The following HIBADH variants were observed in gnomAD, a reference collection of about 807,000 sequenced individuals.
The protein encoded by HIBADH is 3-hydroxyisobutyrate dehydrogenase, mitochondrial.
A neutral mutation model predicts 36.1 loss-of-function variants in HIBADH; 25 were observed. The observed-to-expected ratio is 0.69, with a 90% CI of 0.50 to 0.97. HIBADH has a LOEUF of 0.97. Ranked by LOEUF, HIBADH falls within the 50% of genes least tolerant of loss-of-function variation. The pLI, the probability that HIBADH is intolerant of heterozygous loss-of-function variation, is 0.00. For synonymous variants in HIBADH, 160 were observed against 149.5 expected, an observed-to-expected ratio of 1.07 and a Z score of -0.51; for missense variants, 421 against 418.0, an observed-to-expected ratio of 1.01 and a Z score of -0.06.
chr7:27,536,996 T>C (rs1202540014), intron 6 of HIBADH, among the ~76,000 whole-genome samples: 1 of 152,236 alleles, frequency 6.6e-6, no homozygotes, highest in Admixed American at 6.5e-5. Context: ...ATGCCATTTA[T>C]GTTCCAGAAA....
chr7:27,634,511 T>C (rs1419598171), intron 2 of HIBADH, among the ~76,000 whole-genome samples: 4 of 152,194 alleles, frequency 2.6e-5, no homozygotes, highest in Non-Finnish European at 5.9e-5. Context: ...GTAGTAGTCA[T>C]ACTTCTCTAC....
At chr7:27,634,051 T>C (rs78103926) in intron 2 of HIBADH, among the ~76,000 whole-genome samples, 5,199 of 152,260 alleles carry the variant, frequency 0.034, 116 homozygotes, top group South Asian at 0.093. Flanking sequence ...CAAGAGACTA[T>C]CAGCTTCTAA....
At chr7:27,548,386 G>GT (rs1784266262) in intron 4 of HIBADH, among the ~76,000 whole-genome samples, 1 of 151,980 alleles carries the variant, frequency 6.6e-6, no homozygotes, top group African/African-American at 2.4e-5. Flanking sequence ...GCTTGTGATG[G>GT]TTGGGGGGAG....
At chr7:27,610,079 A>G (rs34536886) in intron 4 of HIBADH, among the ~76,000 whole-genome samples, 31,742 of 151,968 alleles carry the variant, frequency 0.21, 4,179 homozygotes, top group East Asian at 0.41. Flanking sequence ...TCAGCCTCCC[A>G]AAGTGCTGGG....
chr7:27,556,011 T>C (rs549375953), intron 4 of HIBADH, among the ~76,000 whole-genome samples: 1 of 152,288 alleles, frequency 6.6e-6, no homozygotes, highest in Admixed American at 6.5e-5. Flanking sequence ...AATTTAAAGA[T>C]AGTCGTGAAT....
At chr7:27,612,982 A>C (rs1428248714) in intron 4 of HIBADH, among the ~76,000 whole-genome samples, 1 of 138,110 alleles carries the variant, frequency 7.2e-6, no homozygotes, top group Admixed American at 7.8e-5. Context: ...TATTATATAT[A>C]TATTTTATAT....
intron 4 of HIBADH, among the ~76,000 whole-genome samples, chr7:27,548,387 T>C (rs990265668): frequency 9.9e-5 from 15 of 151,588 alleles, no homozygotes; most frequent in African/African-American, 1.5e-4. Flanking sequence ...CTTGTGATGG[T>C]TGGGGGGAGG....
In HIBADH at chr7:27,662,812, G is replaced by A. The variant is rs2128298767; in HGVS notation, c.-24C>T. ...ATGCTGCGCCCGCCCCTCTCCCCGC[G>A]GTGACCTCCGCCGCCTCCCGGAGGG... On this transcript the variant is annotated 5_prime_UTR_variant, in exon 1 of 8. Transcript: ENST00000265395. 3 of 1,459,982 alleles carry A rather than the reference G, an allele frequency of 2.1e-6. No individual in the cohort carries two copies. Among genetic ancestry groups the A allele is most frequent in the Admixed American group, 5.1e-5 (2 of 39,170 alleles). The allele number at this position is 1,459,982 out of a possible 1,614,324, so 90.4% of individuals were successfully genotyped here. A position where few individuals can be genotyped will look rare whatever the true frequency, so the allele number is the denominator to read the frequency against.
chr7:27,637,934 A>T (rs1416867395), intron 2 of HIBADH, among the ~76,000 whole-genome samples: 1 of 152,092 alleles, frequency 6.6e-6, no homozygotes, highest in Non-Finnish European at 1.5e-5. Context: ...AAGAAATCAG[A>T]GATGACACAA....
At chr7:27,584,200 G>A (rs1224655649) in intron 4 of HIBADH, among the ~76,000 whole-genome samples, 1 of 152,050 alleles carries the variant, frequency 6.6e-6, no homozygotes, top group South Asian at 2.1e-4. Flanking sequence ...AATGTGGAAA[G>A]AACTTTTTAT....
At chr7:27,589,725 G>T (rs1225591204) in intron 4 of HIBADH, among the ~76,000 whole-genome samples, 1 of 152,132 alleles carries the variant, frequency 6.6e-6, no homozygotes, top group Non-Finnish European at 1.5e-5. Context: ...GCAATTTGGG[G>T]AAATACTTCT....
intron 4 of HIBADH, among the ~76,000 whole-genome samples, chr7:27,588,827 A>AT (rs1208319008): frequency 2.0e-5 from 3 of 152,226 alleles, no homozygotes; most frequent in South Asian, 4.1e-4. Context: ...TCAGAAATGA[A>AT]AAAGTAGAGT....
chr7:27,591,187 G>C (rs907111398), intron 4 of HIBADH, among the ~76,000 whole-genome samples: 4 of 152,136 alleles, frequency 2.6e-5, no homozygotes, highest in African/African-American at 9.7e-5. Context: ...GAATCTCAGA[G>C]ACTCTCCAAG....
chr7:27,598,222 G>C (rs1226531966), intron 4 of HIBADH, among the ~76,000 whole-genome samples: 1 of 152,106 alleles, frequency 6.6e-6, no homozygotes, highest in Non-Finnish European at 1.5e-5. Flanking sequence ...TAAAACTAAA[G>C]ATTGCTATGC....
intron 6 of HIBADH, among the ~76,000 whole-genome samples, chr7:27,534,023 C>G (rs1784037203): frequency 6.6e-6 from 1 of 152,158 alleles, no homozygotes; most frequent in African/African-American, 2.4e-5. Flanking sequence ...GGAATGTTCT[C>G]TGATATAAAC....
intron 2 of HIBADH, among the ~76,000 whole-genome samples, chr7:27,633,846 G>A (rs1274076326): frequency 1.3e-5 from 2 of 152,010 alleles, no homozygotes; most frequent in Admixed American, 6.6e-5. Flanking sequence ...ATGTAGAAAC[G>A]TATTTCTACT....
chr7:27,583,642 T>C (rs1318229818), intron 4 of HIBADH, among the ~76,000 whole-genome samples: 2 of 152,072 alleles, frequency 1.3e-5, no homozygotes, highest in East Asian at 3.8e-4. Context: ...ATTCATAATA[T>C]GTAATTTAAT....
intron 4 of HIBADH, among the ~76,000 whole-genome samples, chr7:27,580,054 A>C (rs1322809556): frequency 6.6e-6 from 1 of 152,236 alleles, no homozygotes; most frequent in African/African-American, 2.4e-5. Context: ...GGGAAAAGAG[A>C]TATAGAACTA....
chr7:27,553,370 T>C (rs893922577), intron 4 of HIBADH, among the ~76,000 whole-genome samples: 1 of 152,208 alleles, frequency 6.6e-6, no homozygotes, highest in Non-Finnish European at 1.5e-5. Flanking sequence ...TGGCAGCTGC[T>C]ACATTTGCAG....
Sources: allele counts gnomAD v4.1 joint callset (sites outside exome capture counted in the v4.1 genomes callset), GRCh38; gene constraint gnomAD v4.1.1; transcripts MANE v1.5; gene names NCBI Gene and HGNC (gene_info 2026-07-23, HGNC 2026-07-21).